The following AGAP1 variants were observed in gnomAD, a reference collection of about 807,000 sequenced individuals.
AGAP1 encodes the protein ArfGAP with GTPase domain, ankyrin repeat and PH domain 1.
In AGAP1, 29 loss-of-function variants were observed where a neutral mutation model predicts 105.3. That is an observed-to-expected ratio of 0.28 (90% CI 0.21 to 0.38). AGAP1 has a LOEUF of 0.38. Among genes scored for constraint, AGAP1 ranks in the 10% least tolerant of loss-of-function variants. AGAP1 has a pLI of 1.00. For missense variants in AGAP1, 998 were observed against 1,165.1 expected, an observed-to-expected ratio of 0.86 and a Z score of 2.09; for synonymous variants, 509 against 485.9, an observed-to-expected ratio of 1.05 and a Z score of -0.63.
chr2:235,665,674 G>T lies in AGAP1; in HGVS notation c.164-43505G>T, dbSNP rs2149345838. Among the ~76,000 whole-genome samples, 1 of 152,204 alleles carries T rather than the reference G, an allele frequency of 6.6e-6. No individual in the cohort carries two copies. Among genetic ancestry groups the T allele is most frequent in the South Asian group, 2.1e-4 (1 of 4,804 alleles). On this transcript the variant is annotated intron_variant, in intron 1 of 17. Coordinates refer to ENST00000304032, the MANE Select transcript of AGAP1 (RefSeq NM_001037131.3). The surrounding 1 kb of genome is among the most constrained non-coding windows in gnomAD (Gnocchi z 5.3). ...CTTACATGTATCTGTCAGTCAACTG[G>T]CTACCAGAAAATAGCCTTTGATGTA...
chr2:235,948,523 A>G (rs1013196346), intron 12 of AGAP1, among the ~76,000 whole-genome samples: 4 of 152,206 alleles, frequency 2.6e-5, no homozygotes, highest in African/African-American at 9.7e-5. Context: ...TAAAATACGA[A>G]TTTCATAACG....
At chr2:235,776,844 C>T (rs1390636867) in intron 6 of AGAP1, 1 of 466,610 alleles carries the variant, frequency 2.1e-6, no homozygotes, top group Admixed American at 2.4e-5. Flanking sequence ...CAACTCGGAG[C>T]CCCTTTTCCA....
At position 236,048,874 on chromosome 2, in the gene AGAP1, C is replaced by A. The variant is rs540651080; in HGVS notation, c.1892-185C>A. 2.0e-5 allele frequency among the ~76,000 whole-genome samples: 3 copies of A among 152,360 alleles called. No individual in the cohort carries two copies. In the East Asian group the frequency reaches 5.8e-4, roughly 29 times the overall value. ...GCCAAATGTGTTCTGAAGCTACTAC[C>A]AACGGCCAGTCATTTGGGACACCTG... On this transcript the variant is annotated intron_variant, in intron 15 of 17. Coordinates refer to ENST00000304032, the MANE Select transcript of AGAP1 (RefSeq NM_001037131.3).
At chr2:236,022,472 T>G (rs892853866) in intron 13 of AGAP1, among the ~76,000 whole-genome samples, 1 of 152,218 alleles carries the variant, frequency 6.6e-6, no homozygotes, top group African/African-American at 2.4e-5. Context: ...GTATACTAAG[T>G]ATATCCATAG....
Position 235,982,528 on chromosome 2 carries a change from A to G in AGAP1, c.1645+13905A>G, listed in dbSNP as rs562565891. 6.6e-6 allele frequency among the ~76,000 whole-genome samples: 1 copy of G among 152,308 alleles called. No homozygotes were observed. Among genetic ancestry groups the G allele is most frequent in the East Asian group, 1.9e-4 (1 of 5,178 alleles). On this transcript the variant is annotated intron_variant, in intron 13 of 17. Transcript: ENST00000304032. This position sits in a 1 kb window ranked among gnomAD's most constrained non-coding sequence, Gnocchi z 4.9. ...ATAAATGGTAAAAGTAACCTGTATT[A>G]TCATTGGTTCTAGGGGACTACTGAA...
intron 1 of AGAP1, among the ~76,000 whole-genome samples, chr2:235,708,967 G>A (rs961378896): frequency 2.0e-5 from 3 of 152,160 alleles, no homozygotes; most frequent in Non-Finnish European, 2.9e-5. Context: ...ATGTGTTACC[G>A]ACCACAGACT....
chr2:236,042,629 G>C lies in AGAP1; in HGVS notation c.1891+1788G>C, dbSNP rs989205456. 2.6e-5 allele frequency among the ~76,000 whole-genome samples: 4 copies of C among 152,148 alleles called. No homozygotes were observed. The highest frequency in any genetic ancestry group is 7.2e-5 in the African/African-American group (3 of 41,434). ...GGTCGCTTTAAAAGGAAAGCCATCC[G>C]TGGCTTGCGGGGACCATGATACCTG... is the stretch of plus-strand genomic sequence containing the variant. On this transcript the variant is annotated intron_variant, in intron 15 of 17. Coordinates refer to ENST00000304032, the MANE Select transcript of AGAP1 (RefSeq NM_001037131.3). The surrounding 1 kb of genome is among the most constrained non-coding windows in gnomAD (Gnocchi z 5.6).
chr2:235,978,473 C>G (rs888966552), intron 13 of AGAP1, among the ~76,000 whole-genome samples: 1 of 152,168 alleles, frequency 6.6e-6, no homozygotes, highest in Non-Finnish European at 1.5e-5. Flanking sequence ...CCTGCTTGTG[C>G]GCTACCTCAT....
chr2:235,511,866 G>GGA (rs1942134919), intron 1 of AGAP1, among the ~76,000 whole-genome samples: 1 of 150,758 alleles, frequency 6.6e-6, no homozygotes, highest in East Asian at 2.0e-4. Flanking sequence ...GTGTGAATGT[G>GGA]TGTGTGTATG....
At chr2:236,069,789 G>A (rs1576225251) in intron 16 of AGAP1, among the ~76,000 whole-genome samples, 1 of 152,224 alleles carries the variant, frequency 6.6e-6, no homozygotes, top group East Asian at 1.9e-4. Context: ...TTAAAATATT[G>A]TGTACCCCAA....
chr2:235,554,043 T>A (rs58427050), intron 1 of AGAP1, among the ~76,000 whole-genome samples: 20,356 of 152,190 alleles, frequency 0.13, 1,537 homozygotes, highest in East Asian at 0.3. Flanking sequence ...TTGTAACTAA[T>A]ACCACCCAGT....
intron 6 of AGAP1, among the ~76,000 whole-genome samples, chr2:235,776,560 T>C (rs768589503): frequency 6.6e-6 from 1 of 152,154 alleles, no homozygotes; most frequent in Non-Finnish European, 1.5e-5. Flanking sequence ...TCTCCTAAGT[T>C]GAAGGCCAGT....
In AGAP1 at chr2:236,087,484, C is replaced by T. The variant is rs2317307; in HGVS notation, c.2115-32708C>T. ...CCATCTTCCCGAGAGAGCCTGTGCC[C>T]GCCCCACAGTCCCGGCTGAAATGGC... On this transcript the variant is annotated intron_variant, in intron 16 of 17. Coordinates refer to ENST00000304032, the MANE Select transcript of AGAP1 (RefSeq NM_001037131.3). The surrounding 1 kb of genome is among the most constrained non-coding windows in gnomAD (Gnocchi z 5.7). 2.8e-3 allele frequency among the ~76,000 whole-genome samples: 423 copies of T among 152,290 alleles called. 2 individuals are homozygous for T. Among genetic ancestry groups the T allele is most frequent in the African/African-American group, 9.6e-3 (397 of 41,564 alleles).
intron 16 of AGAP1, among the ~76,000 whole-genome samples, chr2:236,054,863 G>A (rs1312366874): frequency 6.6e-6 from 1 of 152,080 alleles, no homozygotes; most frequent in Admixed American, 6.6e-5. Flanking sequence ...TGCCGCCACT[G>A]CCGGGCCCGG....
In AGAP1 at chr2:235,824,191, T is replaced by C. The variant is rs1000016582; in HGVS notation, c.1050+16860T>C. Among the ~76,000 whole-genome samples the C allele has an allele frequency of 3.3e-4, 51 of 152,372 alleles. 1 individual carries two copies. Among genetic ancestry groups the C allele is most frequent in the African/African-American group, 1.2e-3 (49 of 41,590 alleles). On this transcript the variant is annotated intron_variant, in intron 9 of 17. Transcript: ENST00000304032. The surrounding 1 kb of genome is among the most constrained non-coding windows in gnomAD (Gnocchi z 5.2). Reference sequence around the variant, plus strand: ...GCGCCAACGCTGAGGGGTCTTCGATTGGTGGCACCCGTGTTCCACGGTACA... The same window carrying C: ...GCGCCAACGCTGAGGGGTCTTCGATCGGTGGCACCCGTGTTCCACGGTACA...
chr2:235,838,516 T>G (rs1192227999), intron 9 of AGAP1, among the ~76,000 whole-genome samples: 1 of 152,204 alleles, frequency 6.6e-6, no homozygotes, highest in African/African-American at 2.4e-5. Flanking sequence ...CAAAATATTA[T>G]GATGTGATTA....
Position 235,586,082 on chromosome 2 carries a change from A to G in AGAP1, c.163+91233A>G, listed in dbSNP as rs1005190848. ...TTTAGGAGCTTCATGAGCGAGTCAA[A>G]TGCAAGTTGGGGAAGTGGCTGAAAA... On this transcript the variant is annotated intron_variant, in intron 1 of 17. Coordinates refer to ENST00000304032, the MANE Select transcript of AGAP1 (RefSeq NM_001037131.3). The surrounding 1 kb of genome is among the most constrained non-coding windows in gnomAD (Gnocchi z 4.2). Among the ~76,000 whole-genome samples the G allele has an allele frequency of 5.9e-5, 9 of 152,140 alleles. No individual in the cohort carries two copies. The highest frequency in any genetic ancestry group is 1.9e-4 in the African/African-American group (8 of 41,434).
intron 16 of AGAP1, among the ~76,000 whole-genome samples, chr2:236,070,791 A>AGGG (rs2058475688): frequency 6.6e-6 from 1 of 152,050 alleles, no homozygotes; most frequent in African/African-American, 2.4e-5. Flanking sequence ...GGGAGGCATC[A>AGGG]GGGGGATGGG....
intron 9 of AGAP1, among the ~76,000 whole-genome samples, chr2:235,859,051 G>C (rs756789116): frequency 7.9e-5 from 12 of 152,148 alleles, no homozygotes; most frequent in Non-Finnish European, 1.6e-4. Flanking sequence ...TGAAGCAAGG[G>C]GAACCCTTTG....
Sources: allele counts gnomAD v4.1 joint callset (sites outside exome capture counted in the v4.1 genomes callset), GRCh38; gene constraint gnomAD v4.1.1; non-coding constraint Gnocchi (gnomAD v3.1); transcripts MANE v1.5; gene names NCBI Gene and HGNC (gene_info 2026-07-23, HGNC 2026-07-21).